OR5H14: variants seen among roughly 807,000 people sequenced by gnomAD.
OR5H14 encodes olfactory receptor 5H14.
For missense variants in OR5H14, 392 were observed against 363.9 expected (o/e 1.08, Z -0.63); for synonymous variants, 155 against 130.6 (o/e 1.19, Z -1.28).
Position 98,150,806 on chromosome 3 carries a change from C to T in OR5H14, c.*488C>T, listed in dbSNP as rs1403329123. 6.6e-6 allele frequency: 1 copy of T among 152,420 alleles called. No homozygotes were observed. The highest frequency in any genetic ancestry group is 2.4e-5 in the African/African-American group (1 of 41,426). The allele number at this position is 152,420 out of a possible 1,614,324, so 9.4% of individuals were successfully genotyped here. On this transcript the variant is annotated 3_prime_UTR_variant, in exon 2 of 2. Transcript: ENST00000641380. Reference sequence around the variant, plus strand: ...CACTTAATTGTAAAAGAGTGAATTTCACTTCTTGTAGGAAGTCAACTCATA... The same window carrying T: ...CACTTAATTGTAAAAGAGTGAATTTTACTTCTTGTAGGAAGTCAACTCATA...
chr3:98,152,297 G>A lies in OR5H14; in HGVS notation c.*1979G>A, dbSNP rs1708520655. On this transcript the variant is annotated 3_prime_UTR_variant, in exon 2 of 2. Coordinates refer to ENST00000641380, the MANE Select transcript of OR5H14 (RefSeq NM_001005514.2). ...TATTTGACTCAGCAATCCCATTACT[G>A]AGTATATACCCAAAGCCTTATAAAT... 6.6e-6 allele frequency: 1 copy of A among 152,094 alleles called. No individual in the cohort carries two copies. The highest frequency in any genetic ancestry group is 2.4e-5 in the African/African-American group (1 of 41,422). 9.4% of individuals were successfully genotyped at this position (152,094 alleles called of 1,614,324 possible).
rs1708549813 is a variant in OR5H14, at chr3:98,154,275, T to A, written c.*3957T>A. 1 of 152,218 alleles carries A rather than the reference T, an allele frequency of 6.6e-6. No homozygotes were observed. The highest frequency in any genetic ancestry group is 6.5e-5 in the Admixed American group (1 of 15,278). 9.4% of individuals were successfully genotyped at this position (152,218 alleles called of 1,614,324 possible). A position where few individuals can be genotyped will look rare whatever the true frequency, so the allele number is the denominator to read the frequency against. ...TTCCCAACCCTTTTTGTTCCTTTTC[T>A]GGAAGATTGAGGGGTTGGATCTTTC... On this transcript the variant is annotated 3_prime_UTR_variant, in exon 2 of 2. Coordinates refer to ENST00000641380, the MANE Select transcript of OR5H14 (RefSeq NM_001005514.2).
In OR5H14 at chr3:98,150,144, G is replaced by A. The variant is rs548720526; in HGVS notation, c.759G>A (p.Gly253=). ...AHLLSVSLYY[G]PLAFMYMGSA... is the part of the protein sequence containing the mutation. ...TCTTATCTGTATCTTTATACTATGG[G>A]CCCCTCGCCTTCATGTATATGGGCT... The change falls in exon 2 of 2, where the codon GGG becomes GGA. Residue 253 remains glycine (G), a synonymous_variant. Transcript: ENST00000641380. The A allele has an allele frequency of 3.7e-6, 6 of 1,611,730 alleles. No individual in the cohort carries two copies. Among genetic ancestry groups the A allele is most frequent in the South Asian group, 1.1e-5 (1 of 90,848 alleles).
rs1400788276 is a variant in OR5H14, at chr3:98,149,937, G to A, written c.552G>A (p.Leu184=). ...ACTTTTACTGTGACATTATCCCATT[G>A]TTAAAGATTTCTTATACTGATTCCT... ...IQHFYCDIIP[L]LKISYTDSSI... Residue 184 remains leucine (L), a synonymous_variant, in exon 2 of 2, where the codon TTG becomes TTA. Coordinates refer to ENST00000641380, the MANE Select transcript of OR5H14 (RefSeq NM_001005514.2). 7.4e-6 allele frequency: 12 copies of A among 1,613,218 alleles called. No individual in the cohort carries two copies. The highest frequency in any genetic ancestry group is 2.2e-5 in the East Asian group (1 of 44,838).
At position 98,149,529 on chromosome 3, in the gene OR5H14, C is replaced by T. The variant is rs759095581; in HGVS notation, c.144C>T (p.Val48=). The part of the protein sequence containing the change: ...TIMGNLGLIA[V]IWKDPHLHIP... ...TGGGGAATCTTGGTCTGATTGCTGT[C>T]ATCTGGAAAGACCCTCATCTTCATA... Residue 48 remains valine, a synonymous_variant, in exon 2 of 2, where the codon GTC becomes GTT. Coordinates refer to ENST00000641380, the MANE Select transcript of OR5H14 (RefSeq NM_001005514.2). 5.0e-6 allele frequency: 8 copies of T among 1,613,394 alleles called. No homozygotes were observed. In the African/African-American group the frequency reaches 9.3e-5, roughly 19 times the overall value.
chr3:98,154,111 G>A lies in OR5H14; in HGVS notation c.*3793G>A, dbSNP rs962902683. ...GCCTGAACTCAACATGAATTGACCA[G>A]AATGTTTTACAAATCATACTTTTAA... On this transcript the variant is annotated 3_prime_UTR_variant, in exon 2 of 2. Coordinates refer to ENST00000641380, the MANE Select transcript of OR5H14 (RefSeq NM_001005514.2). 6 of 152,134 alleles carry A rather than the reference G, an allele frequency of 3.9e-5. No individual in the cohort carries two copies. The highest frequency in any genetic ancestry group is 8.8e-5 in the Non-Finnish European group (6 of 68,026). 9.4% of individuals were successfully genotyped at this position (152,134 alleles called of 1,614,324 possible).
rs1708511545 is a variant in OR5H14, at chr3:98,151,715, G to C, written c.*1397G>C. 6.6e-6 allele frequency: 1 copy of C among 152,114 alleles called. No individual in the cohort carries two copies. Among genetic ancestry groups the C allele is most frequent in the Non-Finnish European group, 1.5e-5 (1 of 68,010 alleles). The allele number at this position is 152,114 out of a possible 1,614,324, so 9.4% of individuals were successfully genotyped here. ...AGGCTTTTGTTGATTTAATGCGGAA[G>C]TACGTTAAAAAGAAACTTTTTTGGC... On this transcript the variant is annotated 3_prime_UTR_variant, in exon 2 of 2. Coordinates refer to ENST00000641380, the MANE Select transcript of OR5H14 (RefSeq NM_001005514.2).
At position 98,153,730 on chromosome 3, in the gene OR5H14, T is replaced by C. The variant is rs376281098; in HGVS notation, c.*3412T>C. ...AATGGCAGTTGCAATCTGTTGATTT[T>C]TCTGTTTTGCAGTCTGAATGTCTCT... On this transcript the variant is annotated 3_prime_UTR_variant, in exon 2 of 2. Coordinates refer to ENST00000641380, the MANE Select transcript of OR5H14 (RefSeq NM_001005514.2). 7 of 152,210 alleles carry C rather than the reference T, an allele frequency of 4.6e-5. No individual in the cohort carries two copies. Among genetic ancestry groups the C allele is most frequent in the African/African-American group, 1.7e-4 (7 of 41,462 alleles). 9.4% of individuals were successfully genotyped at this position (152,210 alleles called of 1,614,324 possible).
intron 1 of OR5H14, among the ~76,000 whole-genome samples, chr3:98,148,606 C>T (rs538967382): frequency 6.6e-6 from 1 of 152,126 alleles, no homozygotes; most frequent in South Asian, 2.1e-4. Flanking sequence ...CCAAATATGT[C>T]ACAGAATACT....
chr3:98,149,604 A>T lies in OR5H14; in HGVS notation c.219A>T (p.Leu73Phe), dbSNP rs1375118481. The change falls in exon 2 of 2, where the codon TTA becomes TTT. Residue 73 changes from leucine (L) to phenylalanine (F), a missense_variant. Coordinates refer to ENST00000641380, the MANE Select transcript of OR5H14 (RefSeq NM_001005514.2). ...LGNLAFVDALLSSSVTLKMLI... is the reference protein window; with the variant it reads ...LGNLAFVDALFSSSVTLKMLI... Reference sequence around the variant, plus strand: ...ATTTAGCTTTTGTGGATGCTTTGTTATCATCCTCAGTGACTCTGAAGATGC... The same window carrying T: ...ATTTAGCTTTTGTGGATGCTTTGTTTTCATCCTCAGTGACTCTGAAGATGC... 1.8e-5 allele frequency: 29 copies of T among 1,613,472 alleles called. No individual in the cohort carries two copies. The highest frequency in any genetic ancestry group is 2.3e-5 in the Non-Finnish European group (27 of 1,179,622).
At position 98,154,768 on chromosome 3, in the gene OR5H14, G is replaced by C. The variant is rs940969950; in HGVS notation, c.*4450G>C. The C allele has an allele frequency of 1.3e-5, 2 of 152,192 alleles. No individual in the cohort carries two copies. Among genetic ancestry groups the C allele is most frequent in the South Asian group, 2.1e-4 (1 of 4,836 alleles). 9.4% of individuals were successfully genotyped at this position (152,192 alleles called of 1,614,324 possible). A position where few individuals can be genotyped will look rare whatever the true frequency, so the allele number is the denominator to read the frequency against. ...AGGCAGTGCTTCTAATCTCCAAGCT[G>C]CCCTTCTTCATTCCTGAGTGTAGGT... On this transcript the variant is annotated 3_prime_UTR_variant, in exon 2 of 2. Coordinates refer to ENST00000641380, the MANE Select transcript of OR5H14 (RefSeq NM_001005514.2).
In OR5H14 at chr3:98,150,445, T is replaced by C. The variant is rs746790486; in HGVS notation, c.*127T>C. On this transcript the variant is annotated 3_prime_UTR_variant, in exon 2 of 2. Coordinates refer to ENST00000641380, the MANE Select transcript of OR5H14 (RefSeq NM_001005514.2). ...ACTGTCCTAGCGCTTTAATGACCTA[T>C]GATATAAGCACCTATTTAACTAATT... 1.1e-5 allele frequency: 6 copies of C among 554,842 alleles called. No individual in the cohort carries two copies. Among genetic ancestry groups the C allele is most frequent in the African/African-American group, 3.8e-5 (2 of 52,480 alleles). 34.4% of individuals were successfully genotyped at this position (554,842 alleles called of 1,614,324 possible). A position where few individuals can be genotyped will look rare whatever the true frequency, so the allele number is the denominator to read the frequency against.
In OR5H14 at chr3:98,153,736, T is replaced by C. The variant is rs1009767808; in HGVS notation, c.*3418T>C. ...AGTTGCAATCTGTTGATTTTTCTGTTTTGCAGTCTGAATGTCTCTGATTAT... is the reference window on the plus strand; with the variant it reads ...AGTTGCAATCTGTTGATTTTTCTGTCTTGCAGTCTGAATGTCTCTGATTAT... On this transcript the variant is annotated 3_prime_UTR_variant, in exon 2 of 2. Coordinates refer to ENST00000641380, the MANE Select transcript of OR5H14 (RefSeq NM_001005514.2). 1.3e-5 allele frequency: 2 copies of C among 152,202 alleles called. No homozygotes were observed. The highest frequency in any genetic ancestry group is 3.9e-4 in the East Asian group (2 of 5,194). The allele number at this position is 152,202 out of a possible 1,614,324, so 9.4% of individuals were successfully genotyped here.
At position 98,150,342 on chromosome 3, in the gene OR5H14, A is replaced by G. The variant is rs1232935584; in HGVS notation, c.*24A>G. The G allele has an allele frequency of 6.3e-6, 9 of 1,436,034 alleles. No homozygotes were observed. The highest frequency in any genetic ancestry group is 6.5e-6 in the Non-Finnish European group (7 of 1,076,648). The allele number at this position is 1,436,034 out of a possible 1,614,324, so 89.0% of individuals were successfully genotyped here. On this transcript the variant is annotated 3_prime_UTR_variant, in exon 2 of 2. Transcript: ENST00000641380. The stretch of plus-strand genomic sequence containing the variant: ...AGATCATTACTAATATCTCTTTTCT[A>G]TTTACTAAAATGTCACAAAATTGTG...
rs1344469412 is a variant in OR5H14, at chr3:98,152,279, C to T, written c.*1961C>T. The T allele has an allele frequency of 3.3e-5, 5 of 152,132 alleles. No individual in the cohort carries two copies. The highest frequency in any genetic ancestry group is 7.3e-5 in the Non-Finnish European group (5 of 68,040). The allele number at this position is 152,132 out of a possible 1,614,324, so 9.4% of individuals were successfully genotyped here. Reference sequence around the variant, plus strand: ...ATCCGGAGCCAGAAATACTATTTGACTCAGCAATCCCATTACTGAGTATAT... The same window carrying T: ...ATCCGGAGCCAGAAATACTATTTGATTCAGCAATCCCATTACTGAGTATAT... On this transcript the variant is annotated 3_prime_UTR_variant, in exon 2 of 2. Transcript: ENST00000641380.
intron 1 of OR5H14, 44 bp from the exon 2 acceptor site, chr3:98,149,324 T>G: frequency 6.3e-7 from 1 of 1,583,560 alleles, no homozygotes; most frequent in East Asian, 2.2e-5. Context: ...CAACTCATAA[T>G]GTCATTGCAG....
chr3:98,149,571 C>G lies in OR5H14; in HGVS notation c.186C>G (p.Leu62=), dbSNP rs780173337. The G allele has an allele frequency of 6.2e-7, 1 of 1,613,526 alleles. No individual in the cohort carries two copies. The highest frequency in any genetic ancestry group is 1.1e-5 in the South Asian group (1 of 91,070). ...DPHLHIPMYL[L]LGNLAFVDAL... ...ATCTTCATATCCCAATGTACTTACTCCTTGGGAATTTAGCTTTTGTGGATG... is the reference window on the plus strand; with the variant it reads ...ATCTTCATATCCCAATGTACTTACTGCTTGGGAATTTAGCTTTTGTGGATG... Residue 62 remains leucine (L), a synonymous_variant, in exon 2 of 2, where the codon CTC becomes CTG. Transcript: ENST00000641380.
rs4241468 is a variant in OR5H14 at position 98,149,575 on chromosome 3, G to A, written c.190G>A (p.Gly64Arg). The A allele has an allele frequency of 0.55, 891,210 of 1,613,108 alleles. 247,243 individuals are homozygous for A. Among genetic ancestry groups the A allele is most frequent in the African/African-American group, 0.65 (48,530 of 74,900 alleles). The change falls in exon 2 of 2, where the codon GGG (glycine) becomes AGG (arginine). Residue 64 changes from glycine (G) to arginine (R), a missense_variant. Coordinates refer to ENST00000641380, the MANE Select transcript of OR5H14 (RefSeq NM_001005514.2). ...HLHIPMYLLL[G>R]NLAFVDALLS... is the part of the protein sequence containing the mutation. ...TCATATCCCAATGTACTTACTCCTT[G>A]GGAATTTAGCTTTTGTGGATGCTTT...
In OR5H14 at chr3:98,156,587, T is replaced by C. The variant is rs1375650167; in HGVS notation, c.*6269T>C. On this transcript the variant is annotated 3_prime_UTR_variant, in exon 2 of 2. Coordinates refer to ENST00000641380, the MANE Select transcript of OR5H14 (RefSeq NM_001005514.2). ...AATCTTCAATTCATTGTGATTGTTA[T>C]ATAGGATACTTTTCTGATGGTTGTG... 2 of 152,162 alleles carry C rather than the reference T, an allele frequency of 1.3e-5. No homozygotes were observed. Among genetic ancestry groups the C allele is most frequent in the Admixed American group, 6.5e-5 (1 of 15,278 alleles). 9.4% of individuals were successfully genotyped at this position (152,162 alleles called of 1,614,324 possible). A position where few individuals can be genotyped will look rare whatever the true frequency, so the allele number is the denominator to read the frequency against.
Sources: gnomAD v4.1 joint callset for allele counts (sites outside exome capture counted in the v4.1 genomes callset) on GRCh38, gnomAD v4.1.1 for gene constraint, MANE v1.5 for transcripts, NCBI Gene and HGNC (gene_info 2026-07-23, HGNC 2026-07-21) for gene names.